The following ENKUR variants were observed in gnomAD, a reference collection of about 807,000 sequenced individuals.
The protein encoded by ENKUR is enkurin, TRPC channel interacting protein, also known as enkurin.
ENKUR carries 19 observed loss-of-function variants against 27.6 expected under a neutral mutation model. The observed-to-expected ratio is 0.69, with a 90% CI of 0.48 to 1.01. ENKUR has a LOEUF of 1.01. ENKUR is among the 50% of genes least tolerant of loss of function. The pLI, the probability that ENKUR is intolerant of heterozygous loss-of-function variation, is 0.00. For synonymous variants in ENKUR, 117 were observed against 96.9 expected, an observed-to-expected ratio of 1.21 and a Z score of -1.22; for missense variants, 312 against 310.5, an observed-to-expected ratio of 1.00 and a Z score of -0.04.
intron 4 of ENKUR, among the ~76,000 whole-genome samples, chr10:24,989,476 C>T (rs944445184): frequency 2.0e-5 from 3 of 152,174 alleles, no homozygotes; most frequent in Non-Finnish European, 4.4e-5. Flanking sequence ...TGACTAGTGC[C>T]TTGGAACCTT....
chr10:25,060,983 G>A, intron 2 of ENKUR: 2 of 790,456 alleles, frequency 2.5e-6, no homozygotes, highest in Non-Finnish European at 2.0e-6. Context: ...CAAAGTGTTG[G>A]GACTACAGGC....
intron 4 of ENKUR, among the ~76,000 whole-genome samples, chr10:24,987,020 C>T (rs1028559995): frequency 6.6e-6 from 1 of 152,198 alleles, no homozygotes; most frequent in African/African-American, 2.4e-5. Flanking sequence ...CACCCCCAAA[C>T]ATTCTCCACC....
intron 4 of ENKUR, among the ~76,000 whole-genome samples, chr10:24,987,917 C>T (rs1849813851): frequency 6.6e-6 from 1 of 151,886 alleles, no homozygotes; most frequent in African/African-American, 2.4e-5. Context: ...AACAAAGGGG[C>T]CCACAATGTA....
intron 2 of ENKUR, among the ~76,000 whole-genome samples, chr10:25,057,947 A>G (rs7894458): frequency 0.068 from 10,276 of 152,164 alleles, 1,147 homozygotes; most frequent in African/African-American, 0.23. Context: ...TTATATATAT[A>G]TAAAATAACA....
rs751596707 is a variant in ENKUR at position 24,990,575 on chromosome 10, C to T, written c.482G>A (p.Arg161Gln). The T allele has an allele frequency of 2.4e-5, 38 of 1,612,888 alleles. No homozygotes were observed. The highest frequency in any genetic ancestry group is 2.6e-5 in the Non-Finnish European group (31 of 1,179,790). Residue 161 changes from arginine to glutamine, a missense_variant, in exon 4 of 6, where the codon CGA (arginine) becomes CAA (glutamine). Physicochemically the swap from Arg to Gln is conservative, Grantham distance 43. Transcript: ENST00000331161. The stretch of plus-strand genomic sequence containing the variant: ...TTGGGCTTTCTTTATTTCCTCGTTT[C>T]GCTTACATATGTATTCAGGTGTGAC... ...YGVTPEYICKRNEEIKKAQED... is the reference protein window; with the variant it reads ...YGVTPEYICKQNEEIKKAQED...
chr10:25,053,141 C>G (rs1488378643), intron 2 of ENKUR, among the ~76,000 whole-genome samples: 1 of 151,150 alleles, frequency 6.6e-6, no homozygotes, highest in Non-Finnish European at 1.5e-5. Flanking sequence ...AGTTAGGCAC[C>G]TTTTTTCATT....
chr10:25,023,392 A>C lies in ENKUR; in HGVS notation c.38-27523T>G, dbSNP rs775260337. ...AACCCACTCTCTTGTTGGAGACAAA[A>C]ATATTATCCTGATGGGACCTCCTGG... On this transcript the variant is annotated intron_variant, in intron 2 of 5. Transcript: ENST00000615958. 1.9e-6 allele frequency: 3 copies of C among 1,614,154 alleles called. No individual in the cohort carries two copies. The East Asian group carries it at 6.7e-5, about 36-fold the overall frequency.
intron 2 of ENKUR, among the ~76,000 whole-genome samples, chr10:25,048,536 C>T (rs1208623389): frequency 2.0e-5 from 3 of 151,762 alleles, no homozygotes; most frequent in African/African-American, 7.3e-5. Context: ...AAGCACAGTC[C>T]AGCAGAAAGA....
intron 1 of ENKUR, among the ~76,000 whole-genome samples, chr10:25,002,186 C>A (rs184068824): frequency 6.6e-6 from 1 of 152,306 alleles, no homozygotes; most frequent in African/African-American, 2.4e-5. Context: ...GGTGTCTCCA[C>A]CTGGGCTGGT....
chr10:25,017,398 G>A (rs576392563), upstream of ENKUR, among the ~76,000 whole-genome samples: 1 of 152,188 alleles, frequency 6.6e-6, no homozygotes, highest in South Asian at 2.1e-4. Flanking sequence ...TGAACCACCG[G>A]TACAGAGGCC....
At chr10:24,998,577 CTTGCT>C (rs1850118777) in intron 2 of ENKUR, among the ~76,000 whole-genome samples, 1 of 151,812 alleles carries the variant, frequency 6.6e-6, no homozygotes, top group Non-Finnish European at 1.5e-5. Flanking sequence ...CGGACGGGGT[CTTGCT>C]TTGTTGCCCA....
upstream of ENKUR, among the ~76,000 whole-genome samples, chr10:25,018,659 G>GTTTTTTTT (rs374289213): frequency 5.3e-5 from 5 of 93,736 alleles, no homozygotes; most frequent in African/African-American, 1.4e-4. Flanking sequence ...AATGAGAGTT[G>GTTTTTTTT]TTTTTTTTTT....
chr10:24,987,959 G>A lies in ENKUR; in HGVS notation c.594+2504C>T, dbSNP rs144873083. 2.7e-3 allele frequency among the ~76,000 whole-genome samples: 417 copies of A among 152,066 alleles called. 1 individual carries two copies. Among genetic ancestry groups the A allele is most frequent in the South Asian group, 8.1e-3 (39 of 4,816 alleles). On this transcript the variant is annotated intron_variant, in intron 4 of 5. Transcript: ENST00000331161. ...TTAACGGCTGGGCAGATTGGCTCAC[G>A]CCTGTAATCCTAGCACTTTGGGAAG...
At chr10:25,003,776 G>T (rs1268798337) in intron 1 of ENKUR, among the ~76,000 whole-genome samples, 2 of 152,088 alleles carry the variant, frequency 1.3e-5, no homozygotes, top group Non-Finnish European at 2.9e-5. Flanking sequence ...CATCACCCAG[G>T]TATTAAACCT....
intron 3 of ENKUR, among the ~76,000 whole-genome samples, chr10:24,992,134 T>C (rs1230484078): frequency 1.3e-5 from 2 of 152,236 alleles, no homozygotes; most frequent in Non-Finnish European, 2.9e-5. Flanking sequence ...TACTATGTAT[T>C]CCTTCTTCAA....
rs185222918 is a variant in ENKUR at position 25,028,821 on chromosome 10, G to A, written c.37+32291C>T. 2.4e-3 allele frequency among the ~76,000 whole-genome samples: 369 copies of A among 152,156 alleles called. 5 individuals are homozygous for A. Among genetic ancestry groups the A allele is most frequent in the African/African-American group, 7.5e-3 (311 of 41,502 alleles). ...GGTTCTTCTTTGATTGATTAGATTC[G>A]CTTTCTTCCTCCAGCTGTAACTACA... On this transcript the variant is annotated intron_variant, in intron 2 of 5. Transcript: ENST00000615958.
At chr10:25,053,922 G>C (rs1365624903) in intron 2 of ENKUR, among the ~76,000 whole-genome samples, 5 of 152,084 alleles carry the variant, frequency 3.3e-5, no homozygotes, top group East Asian at 1.9e-4. Flanking sequence ...GAGCCCCCAA[G>C]CATCCTTCTC....
chr10:25,055,729 G>A (rs2131275), intron 2 of ENKUR, among the ~76,000 whole-genome samples: 37,409 of 152,024 alleles, frequency 0.25, 5,753 homozygotes, highest in East Asian at 0.46. Flanking sequence ...GAAGGACATG[G>A]TGAAGCTCCG....
upstream of ENKUR, among the ~76,000 whole-genome samples, chr10:25,018,647 C>T (rs944947388): frequency 7.8e-6 from 1 of 128,650 alleles, no homozygotes; most frequent in Non-Finnish European, 1.6e-5. Context: ...TGTACATAAA[C>T]AAATGAGAGT....
Sources: gnomAD v4.1 joint callset for allele counts (sites outside exome capture counted in the v4.1 genomes callset) on GRCh38, gnomAD v4.1.1 for gene constraint, MANE v1.5 for transcripts, NCBI Gene and HGNC (gene_info 2026-07-23, HGNC 2026-07-21) for gene names.